The following PCDHA13 variants were observed in gnomAD, a reference collection of about 807,000 sequenced individuals.
PCDHA13 encodes protocadherin alpha 13.
Under a neutral mutation model 64.8 loss-of-function variants are expected in PCDHA13, and 54 were observed. That is an observed-to-expected ratio of 0.83 (90% confidence interval 0.67 to 1.04). PCDHA13 has a LOEUF of 1.04. Ranked by LOEUF, PCDHA13 falls within the 50% of genes least tolerant of loss-of-function variation. The probability of loss-of-function intolerance (pLI) is 0.00; values close to 1 mark genes in which losing one functional copy is unlikely to be tolerated. For missense variants in PCDHA13, 1,248 were observed against 1,254.3 expected (o/e 0.99, Z 0.08); for synonymous variants, 587 against 564.4 (o/e 1.04, Z -0.57).
At chr5:140,896,673 G>T (rs962137649) in intron 1 of PCDHA13, among the ~76,000 whole-genome samples, 1 of 152,000 alleles carries the variant, frequency 6.6e-6, no homozygotes, top group African/African-American at 2.4e-5. Context: ...CACTGTGCCC[G>T]GCCCTTTGCC....
chr5:140,929,589 G>T lies in PCDHA13; in HGVS notation c.2394+44927G>T, dbSNP rs183312863. 667 of 427,178 alleles carry T rather than the reference G, an allele frequency of 1.6e-3. 2 individuals are homozygous for T. The highest frequency in any genetic ancestry group is 3.3e-3 in the Admixed American group (76 of 23,230). The allele number at this position is 427,178 out of a possible 1,614,324, so 26.5% of individuals were successfully genotyped here. A position where few individuals can be genotyped will look rare whatever the true frequency, so the allele number is the denominator to read the frequency against. On this transcript the variant is annotated intron_variant, in intron 1 of 3. Coordinates refer to ENST00000289272, the MANE Select transcript of PCDHA13 (RefSeq NM_018904.3). ...AACAATAAAAGTAATATGACATAAA[G>T]GTCTAAAATTAAAAATAAAATACCA...
intron 1 of PCDHA13, chr5:140,927,596 G>T: frequency 6.2e-7 from 1 of 1,614,162 alleles, no homozygotes; most frequent in Non-Finnish European, 8.5e-7. Context: ...GTATTTGAGC[G>T]CTCCGTATAC....
At chr5:140,970,152 A>G (rs899776182) in intron 1 of PCDHA13, among the ~76,000 whole-genome samples, 22 of 152,224 alleles carry the variant, frequency 1.4e-4, no homozygotes, top group Non-Finnish European at 2.5e-4. Flanking sequence ...AATTCTCCCA[A>G]TAGTCACCTT....
intron 1 of PCDHA13, chr5:140,928,708 T>C: frequency 1.2e-6 from 2 of 1,614,208 alleles, no homozygotes; most frequent in Non-Finnish European, 1.7e-6. Context: ...GGCGTCTGAC[T>C]CTAGTCTCTT....
intron 3 of PCDHA13, among the ~76,000 whole-genome samples, chr5:141,009,130 G>A (rs1395175038): frequency 2.0e-5 from 3 of 152,188 alleles, no homozygotes; most frequent in African/African-American, 7.2e-5. Flanking sequence ...TGGTATCCTG[G>A]TGAAAAAACC....
At chr5:140,893,612 T>C (rs1455928353) in intron 1 of PCDHA13, among the ~76,000 whole-genome samples, 1 of 152,240 alleles carries the variant, frequency 6.6e-6, no homozygotes, top group Non-Finnish European at 1.5e-5. Flanking sequence ...CCTTCATTTC[T>C]GAAGTATAGC....
At chr5:140,938,709 T>C (rs1473474040) in intron 1 of PCDHA13, among the ~76,000 whole-genome samples, 2 of 152,176 alleles carry the variant, frequency 1.3e-5, no homozygotes, top group African/African-American at 2.4e-5. Context: ...ATGTTTATGA[T>C]AGAAACGCGT....
At chr5:140,905,351 TTGACTA>T (rs2071764307) in intron 1 of PCDHA13, among the ~76,000 whole-genome samples, 1 of 152,208 alleles carries the variant, frequency 6.6e-6, no homozygotes, top group Non-Finnish European at 1.5e-5. Context: ...CTGTAAGTAT[TTGACTA>T]TATTTCTGGT....
At chr5:140,890,245 A>G (rs2062563165) in intron 1 of PCDHA13, among the ~76,000 whole-genome samples, 1 of 152,146 alleles carries the variant, frequency 6.6e-6, no homozygotes, top group Admixed American at 6.5e-5. Context: ...TTACCAGTAC[A>G]CTACTGCACC....
At chr5:140,923,423 G>T (rs533295733) in intron 1 of PCDHA13, among the ~76,000 whole-genome samples, 1 of 152,260 alleles carries the variant, frequency 6.6e-6, no homozygotes, top group East Asian at 1.9e-4. Context: ...GGCTACTTGG[G>T]AGGCTGGGGT....
intron 1 of PCDHA13, among the ~76,000 whole-genome samples, chr5:140,944,406 C>G (rs1003379783): frequency 6.6e-6 from 1 of 152,084 alleles, no homozygotes; most frequent in African/African-American, 2.4e-5. Flanking sequence ...AGGCTGGTCT[C>G]GAACTCCTGA....
At chr5:140,967,792 A>C (rs371669028) in intron 1 of PCDHA13, 5 of 1,614,212 alleles carry the variant, frequency 3.1e-6, no homozygotes, top group Non-Finnish European at 4.2e-6. Flanking sequence ...ACCGGGGTCC[A>C]GTGCCCATGG....
At chr5:141,007,806 T>G (rs979059299) in intron 3 of PCDHA13, among the ~76,000 whole-genome samples, 12 of 152,220 alleles carry the variant, frequency 7.9e-5, no homozygotes, top group Non-Finnish European at 1.3e-4. Context: ...TATCTGCCAT[T>G]CATTTGCCTT....
At chr5:140,898,816 C>T (rs1216644860) in intron 1 of PCDHA13, among the ~76,000 whole-genome samples, 5 of 152,148 alleles carry the variant, frequency 3.3e-5, no homozygotes, top group African/African-American at 1.2e-4. Context: ...TTCTTCCTAC[C>T]CATGAGCATG....
At chr5:140,972,983 AGATTCTGTGCATTTGT>A (rs1169514447) in intron 1 of PCDHA13, among the ~76,000 whole-genome samples, 1 of 152,102 alleles carries the variant, frequency 6.6e-6, no homozygotes, top group Admixed American at 6.6e-5. Flanking sequence ...ATCTTAAGGT[AGATTCTGTGCATTTGT>A]GGTCGTGGTG....
At chr5:140,979,178 G>C (rs782006168) in intron 2 of PCDHA13, 171 bp downstream of exon 2, 32 of 944,022 alleles carry the variant, frequency 3.4e-5, no homozygotes, top group Non-Finnish European at 4.0e-5. Flanking sequence ...GATCGCAAAT[G>C]GTCAGTGCCA....
At chr5:140,996,699 C>T (rs1462785057) in intron 3 of PCDHA13, among the ~76,000 whole-genome samples, 3 of 152,146 alleles carry the variant, frequency 2.0e-5, no homozygotes, top group Non-Finnish European at 2.9e-5. Flanking sequence ...TTCTGAACCT[C>T]TATCTCTTTG....
intron 3 of PCDHA13, among the ~76,000 whole-genome samples, chr5:140,990,314 CCAAA>C (rs2097387288): frequency 6.6e-6 from 1 of 152,212 alleles, no homozygotes; most frequent in Non-Finnish European, 1.5e-5. Context: ...AAAAAACCAA[CCAAA>C]CAAACTTTAA....
intron 1 of PCDHA13, among the ~76,000 whole-genome samples, chr5:140,944,016 A>G (rs2093596830): frequency 6.6e-6 from 1 of 152,182 alleles, no homozygotes; most frequent in Non-Finnish European, 1.5e-5. Flanking sequence ...CCCAAAAGCA[A>G]TTATCTTCAA....
Sources: gnomAD v4.1 joint callset for allele counts (sites outside exome capture counted in the v4.1 genomes callset) on GRCh38, gnomAD v4.1.1 for gene constraint, MANE v1.5 for transcripts, NCBI Gene and HGNC (gene_info 2026-07-23, HGNC 2026-07-21) for gene names.